The following ANKRD28 variants were observed in gnomAD, a reference collection of about 807,000 sequenced individuals.
ANKRD28 encodes the protein serine/threonine-protein phosphatase 6 regulatory ankyrin repeat subunit A.
ANKRD28 carries 44 observed loss-of-function variants against 126.5 expected under a neutral mutation model. The observed-to-expected ratio is 0.35, with a 90% CI of 0.27 to 0.45. The LOEUF (loss-of-function observed/expected upper bound fraction) is 0.45, where lower values mean the gene tolerates loss of function less well. Ranked by LOEUF, ANKRD28 falls within the 20% of genes least tolerant of loss-of-function variation. The pLI, the probability that ANKRD28 is intolerant of heterozygous loss-of-function variation, is 1.00. For missense variants in ANKRD28, 1,110 were observed against 1,316.6 expected (o/e 0.84, Z 2.43); for synonymous variants, 442 against 468.5 (o/e 0.94, Z 0.73).
intron 2 of ANKRD28, among the ~76,000 whole-genome samples, chr3:15,786,463 G>C (rs2059783622): frequency 6.6e-6 from 1 of 152,060 alleles, no homozygotes; most frequent in Non-Finnish European, 1.5e-5. Flanking sequence ...GTAATTACCA[G>C]GGAGAGGAGG....
rs1331531796 is a variant in ANKRD28 at position 15,749,104 on chromosome 3, T to TTTTTTG, written c.351+2645_351+2646insCAAAAA. Among the ~76,000 whole-genome samples the TTTTTTG allele has an allele frequency of 1.5e-4, 10 of 68,250 alleles. 1 individual carries two copies. The East Asian group carries it at 0.011, about 77-fold the overall frequency. 44.8% of individuals were successfully genotyped at this position (68,250 alleles called of 152,430 possible). ...TCATATTCTATATTATGTTTTTGTT[T>TTTTTTG]TTTTTTTTTTTTTTTTTGAGACGGA... is the stretch of plus-strand genomic sequence containing the variant. On this transcript the variant is annotated intron_variant, in intron 4 of 27. Coordinates refer to ENST00000683139, the MANE Select transcript of ANKRD28 (RefSeq NM_001349278.2).
In ANKRD28 at chr3:15,853,684, T is replaced by C. The variant is rs2061701071; in HGVS notation, c.27+5693A>G. Among the ~76,000 whole-genome samples the C allele has an allele frequency of 6.6e-6, 1 of 152,170 alleles. No individual in the cohort carries two copies. Among genetic ancestry groups the C allele is most frequent in the Non-Finnish European group, 1.5e-5 (1 of 68,028 alleles). Reference sequence around the variant, plus strand: ...TGGGGTTTCACCGTGTTAGCCAGGATGGTCTCGATCTCCTGACCTCATGAT... The same window carrying C: ...TGGGGTTTCACCGTGTTAGCCAGGACGGTCTCGATCTCCTGACCTCATGAT... On this transcript the variant is annotated intron_variant, in intron 1 of 27. Coordinates refer to the ANKRD28 transcript ENST00000399451. This position sits in a 1 kb window ranked among gnomAD's most constrained non-coding sequence, Gnocchi z 4.2.
chr3:15,732,982 T>C (rs550040899), intron 6 of ANKRD28: 2 of 152,272 alleles, frequency 1.3e-5, no homozygotes, highest in African/African-American at 4.8e-5. Context: ...CTGGACAACA[T>C]GGTGAAACCG....
chr3:15,748,723 T>A (rs1214199014), intron 4 of ANKRD28, among the ~76,000 whole-genome samples: 1 of 152,196 alleles, frequency 6.6e-6, no homozygotes, highest in Non-Finnish European at 1.5e-5. Flanking sequence ...GCTTCTTGTA[T>A]TTGGATGTCC....
At position 15,710,036 on chromosome 3, in the gene ANKRD28, G is replaced by GTTTT. The variant is rs34686530; in HGVS notation, c.1338-304_1338-301dup. 4.0e-3 allele frequency among the ~76,000 whole-genome samples: 585 copies of GTTTT among 146,358 alleles called. 2 individuals are homozygous for GTTTT. The highest frequency in any genetic ancestry group is 0.023 in the East Asian group (113 of 5,016). On this transcript the variant is annotated intron_variant, in intron 12 of 27. Transcript: ENST00000683139. ...GCTTTAGGAAACAACTTGCTTATAGGTTTTTTTTTTTTTCTTGAAACAGAG... is the reference window on the plus strand; with the variant it reads ...GCTTTAGGAAACAACTTGCTTATAGGTTTTTTTTTTTTTTTTTCTTGAAACAGAG...
intron 1 of ANKRD28, among the ~76,000 whole-genome samples, chr3:15,820,537 T>G (rs1017317525): frequency 3.3e-5 from 5 of 152,196 alleles, no homozygotes; most frequent in African/African-American, 4.8e-5. Flanking sequence ...AGAAAGAGAC[T>G]TAGGAAACTA....
chr3:15,841,834 C>A (rs917219970), intron 1 of ANKRD28, among the ~76,000 whole-genome samples: 18 of 152,144 alleles, frequency 1.2e-4, no homozygotes, highest in Non-Finnish European at 1.8e-4. Context: ...GGTAGGAATG[C>A]AAACTAGTAC....
chr3:15,783,822 C>A (rs1201728606), intron 2 of ANKRD28, among the ~76,000 whole-genome samples: 1 of 151,858 alleles, frequency 6.6e-6, no homozygotes, highest in Non-Finnish European at 1.5e-5. Context: ...TAACAAACCA[C>A]AGATCCAGGA....
chr3:15,842,906 A>G (rs562028236), intron 1 of ANKRD28, among the ~76,000 whole-genome samples: 2 of 152,348 alleles, frequency 1.3e-5, no homozygotes, highest in African/African-American at 4.8e-5. Flanking sequence ...AAGATTTTTA[A>G]AGTTATACTG....
Position 15,853,720 on chromosome 3 carries a change from C to A in ANKRD28, c.27+5657G>T, listed in dbSNP as rs559869946. 6.6e-6 allele frequency among the ~76,000 whole-genome samples: 1 copy of A among 152,094 alleles called. No homozygotes were observed. Among genetic ancestry groups the A allele is most frequent in the Non-Finnish European group, 1.5e-5 (1 of 68,018 alleles). On this transcript the variant is annotated intron_variant, in intron 1 of 27. Coordinates refer to the ANKRD28 transcript ENST00000399451. This position sits in a 1 kb window ranked among gnomAD's most constrained non-coding sequence, Gnocchi z 4.2. ...TCCTGACCTCATGATCCGCCCGCCT[C>A]GGTCTCCCAAAGTGCTGGGATTACA... is the stretch of plus-strand genomic sequence containing the variant.
rs1368132761 is a variant in ANKRD28 at position 15,796,984 on chromosome 3, T to A, written c.-463A>T. On this transcript the variant is annotated 5_prime_UTR_variant, in exon 1 of 28. Coordinates refer to ENST00000683139, the MANE Select transcript of ANKRD28 (RefSeq NM_001349278.2). ...GATCACAGCGATACCCACTCTTGCC[T>A]GCAAGGTCATATAGTTACCAGTAGC... 1 of 985,310 alleles carries A rather than the reference T, an allele frequency of 1.0e-6. No individual in the cohort carries two copies. Among genetic ancestry groups the A allele is most frequent in the Admixed American group, 6.2e-5 (1 of 16,248 alleles). 61.0% of individuals were successfully genotyped at this position (985,310 alleles called of 1,614,324 possible).
intron 17 of ANKRD28, 46 bp downstream of exon 17, chr3:15,694,693 T>G: frequency 6.5e-7 from 1 of 1,537,176 alleles, no homozygotes; most frequent in Non-Finnish European, 9.0e-7. Context: ...TTAGATATTT[T>G]CAGTAAACCA....
chr3:15,773,107 T>G (rs749640056), intron 2 of ANKRD28, among the ~76,000 whole-genome samples: 5 of 151,676 alleles, frequency 3.3e-5, no homozygotes, highest in African/African-American at 4.9e-5. Context: ...AGATGGCATA[T>G]TATTTATAAA....
rs906574037 is a variant in ANKRD28, at chr3:15,751,698, C to A, written c.351+52G>T. ...GAATTTGAATATGGATTCAGGGGTA[C>A]GCCTATTTAATGTTTTCATATAAAA... On this transcript the variant is annotated intron_variant, in intron 4 of 27. Transcript: ENST00000683139. The A allele has an allele frequency of 3.5e-6, 4 of 1,144,730 alleles. No homozygotes were observed. The African/African-American group carries it at 4.7e-5, about 13-fold the overall frequency. 70.9% of individuals were successfully genotyped at this position (1,144,730 alleles called of 1,614,324 possible).
At chr3:15,784,411 C>T (rs1438207257) in intron 2 of ANKRD28, among the ~76,000 whole-genome samples, 1 of 151,696 alleles carries the variant, frequency 6.6e-6, no homozygotes, top group Non-Finnish European at 1.5e-5. Flanking sequence ...TTGTTAGATC[C>T]TCATACTACC....
At chr3:15,849,528 C>T (rs13071730) in intron 1 of ANKRD28, among the ~76,000 whole-genome samples, 70,790 of 151,974 alleles carry the variant, frequency 0.47, 19,437 homozygotes, top group Non-Finnish European at 0.6. Flanking sequence ...TCTTCCTACA[C>T]GCAGCCAAGA....
chr3:15,762,201 A>AG (rs1404595041), intron 3 of ANKRD28, among the ~76,000 whole-genome samples: 2 of 31,496 alleles, frequency 6.4e-5, no homozygotes, highest in African/African-American at 1.2e-4. Flanking sequence ...AAAAAAAAAA[A>AG]AAAAAAAAAA....
chr3:15,858,724 A>G (rs1461318801), intron 1 of ANKRD28, among the ~76,000 whole-genome samples: 1 of 152,212 alleles, frequency 6.6e-6, no homozygotes, highest in Non-Finnish European at 1.5e-5. Flanking sequence ...CCAAATGTTT[A>G]GGTGTACAAA....
chr3:15,850,224 T>TATATATATATAGAGAG (rs1418223588), intron 1 of ANKRD28, among the ~76,000 whole-genome samples: 84 of 35,086 alleles, frequency 2.4e-3, no homozygotes, highest in Non-Finnish European at 3.4e-3. Context: ...TATATATATA[T>TATATATATATAGAGAG]AGAGAGAGAG....
Sources: allele counts gnomAD v4.1 joint callset (sites outside exome capture counted in the v4.1 genomes callset), GRCh38; gene constraint gnomAD v4.1.1; non-coding constraint Gnocchi (gnomAD v3.1); transcripts MANE v1.5; gene names NCBI Gene and HGNC (gene_info 2026-07-23, HGNC 2026-07-21).